The following CRY1 variants were observed in gnomAD, a reference collection of about 807,000 sequenced individuals.
The protein encoded by CRY1 is cryptochrome-1.
In CRY1, 45 loss-of-function variants were observed where a neutral mutation model predicts 76.0. The observed-to-expected ratio is 0.59, with a 90% confidence interval of 0.47 to 0.76. The LOEUF is 0.76. Among genes scored for constraint, CRY1 ranks in the 30% least tolerant of loss-of-function variants. The pLI, the probability that CRY1 is intolerant of heterozygous loss-of-function variation, is 0.00. For missense variants in CRY1, 587 were observed against 716.4 expected (o/e 0.82, Z 2.06); for synonymous variants, 248 against 244.0 (o/e 1.02, Z -0.15).
chr12:107,006,623 A>G (rs1441150596), intron 2 of CRY1, among the ~76,000 whole-genome samples: 1 of 145,000 alleles, frequency 6.9e-6, no homozygotes, highest in East Asian at 2.1e-4. Flanking sequence ...CTTGCCAATA[A>G]TATGTATTAG....
intron 1 of CRY1, among the ~76,000 whole-genome samples, chr12:107,030,561 T>C (rs1288267697): frequency 6.6e-6 from 1 of 152,170 alleles, no homozygotes; most frequent in Non-Finnish European, 1.5e-5. Flanking sequence ...ATTTAGGATA[T>C]ACCATGGTAA....
At chr12:107,063,371 T>C (rs1234882344) in intron 1 of CRY1, among the ~76,000 whole-genome samples, 1 of 152,206 alleles carries the variant, frequency 6.6e-6, no homozygotes, top group Non-Finnish European at 1.5e-5. Flanking sequence ...GACAAATAGA[T>C]AAAAAGGACT....
At position 107,048,987 on chromosome 12, in the gene CRY1, C is replaced by T. The variant is rs1028229427; in HGVS notation, c.159-26795G>A. Among the ~76,000 whole-genome samples the T allele has an allele frequency of 2.6e-5, 4 of 152,074 alleles. No individual in the cohort carries two copies. In the East Asian group the frequency reaches 7.7e-4, roughly 29 times the overall value. On this transcript the variant is annotated intron_variant, in intron 1 of 12. Coordinates refer to ENST00000008527, the MANE Select transcript of CRY1 (RefSeq NM_004075.5). Reference sequence around the variant, plus strand: ...TTATATTTAAAAAGCTATAGATATCCTCCTTTAGAGAACCTTAACATTTAC... The same window carrying T: ...TTATATTTAAAAAGCTATAGATATCTTCCTTTAGAGAACCTTAACATTTAC...
At chr12:107,002,745 G>A (rs1452817985) in intron 3 of CRY1, among the ~76,000 whole-genome samples, 1 of 152,142 alleles carries the variant, frequency 6.6e-6, no homozygotes, top group African/African-American at 2.4e-5. Context: ...CATCATGGGA[G>A]GGACCCTGTG....
chr12:107,039,677 A>G (rs1952776335), intron 1 of CRY1, among the ~76,000 whole-genome samples: 2 of 152,216 alleles, frequency 1.3e-5, no homozygotes, highest in African/African-American at 4.8e-5. Flanking sequence ...GTTGGCAAGG[A>G]TATGGAGAAA....
At chr12:106,992,328 T>C (rs527612000) in intron 12 of CRY1, 2 of 152,584 alleles carry the variant, frequency 1.3e-5, no homozygotes, top group African/African-American at 4.8e-5. Flanking sequence ...TTTTGAACTA[T>C]TCCCAAATTG....
chr12:107,031,943 T>C (rs1304814637), intron 1 of CRY1, among the ~76,000 whole-genome samples: 1 of 152,154 alleles, frequency 6.6e-6, no homozygotes, highest in East Asian at 1.9e-4. Context: ...TTTCTTTTCT[T>C]TTTCTTTTGA....
intron 1 of CRY1, among the ~76,000 whole-genome samples, chr12:107,036,105 G>C (rs138674418): frequency 6.6e-6 from 1 of 152,270 alleles, no homozygotes; most frequent in African/African-American, 2.4e-5. Context: ...TCCACAGTAG[G>C]GGAAGAACTG....
At chr12:107,032,412 C>A (rs959856810) in intron 1 of CRY1, among the ~76,000 whole-genome samples, 2 of 151,916 alleles carry the variant, frequency 1.3e-5, no homozygotes, top group Non-Finnish European at 1.5e-5. Context: ...ATCACCTCAA[C>A]GCAAATTCAT....
rs1952280671 is a variant in CRY1, at chr12:106,999,769, C to T, written c.919G>A (p.Asp307Asn). 6.2e-7 allele frequency: 1 copy of T among 1,614,098 alleles called. No individual in the cohort carries two copies. Among genetic ancestry groups the T allele is most frequent in the African/African-American group, 1.3e-5 (1 of 74,942 alleles). ...YTAATNNPRF[D>N]KMEGNPICVQ... is the part of the protein sequence containing the mutation. Reference sequence around the variant, plus strand: ...CAGATAGGGTTTCCTTCCATTTTATCAAAGCGTGGATTATTTGTTGCTGCT... The same window carrying T: ...CAGATAGGGTTTCCTTCCATTTTATTAAAGCGTGGATTATTTGTTGCTGCT... Residue 307 changes from aspartate to asparagine, a missense_variant, in exon 7 of 13, where the codon GAT becomes AAT. Coordinates refer to ENST00000008527, the MANE Select transcript of CRY1 (RefSeq NM_004075.5).
intron 1 of CRY1, among the ~76,000 whole-genome samples, chr12:107,029,497 G>A (rs7957002): frequency 0.51 from 76,550 of 151,462 alleles, 20,245 homozygotes; most frequent in East Asian, 0.72. Context: ...GGGGTGGGCT[G>A]AGGCAGGAGG....
chr12:107,075,520 A>C (rs1953241487), intron 1 of CRY1, among the ~76,000 whole-genome samples: 1 of 152,178 alleles, frequency 6.6e-6, no homozygotes, highest in Non-Finnish European at 1.5e-5. Flanking sequence ...AACTTTAACG[A>C]ATAATAGGCA....
chr12:107,017,686 A>G (rs573861097), intron 2 of CRY1, among the ~76,000 whole-genome samples: 2 of 152,342 alleles, frequency 1.3e-5, no homozygotes, highest in East Asian at 3.9e-4. Context: ...GTCTTCTTTG[A>G]CACTTGGTTA....
intron 1 of CRY1, among the ~76,000 whole-genome samples, chr12:107,087,893 C>T (rs1007372973): frequency 6.6e-6 from 1 of 151,902 alleles, no homozygotes; most frequent in African/African-American, 2.4e-5. Context: ...AAAAAAATTA[C>T]CTGGCCATGG....
Position 107,090,600 on chromosome 12 carries a change from C to T in CRY1, c.158+2204G>A, listed in dbSNP as rs114757327. 2.0e-3 allele frequency among the ~76,000 whole-genome samples: 307 copies of T among 152,288 alleles called. 3 individuals carry two copies. Among genetic ancestry groups the T allele is most frequent in the African/African-American group, 7.0e-3 (293 of 41,568 alleles). On this transcript the variant is annotated intron_variant, in intron 1 of 12. Transcript: ENST00000008527. ...TCACGGCTCCACTAGAATGTAGCTC[C>T]AACAGGGTGAGAATTGGGGGCTGTT...
chr12:107,001,504 C>G, intron 4 of CRY1, 136 bp from the exon 5 acceptor site: 2 of 767,106 alleles, frequency 2.6e-6, no homozygotes, highest in East Asian at 5.4e-5. Flanking sequence ...TAAATAAGCC[C>G]TCACCTATAG....
intron 1 of CRY1, among the ~76,000 whole-genome samples, chr12:107,034,901 G>A (rs998535160): frequency 6.6e-6 from 1 of 152,140 alleles, no homozygotes; most frequent in African/African-American, 2.4e-5. Context: ...TGTAACTTAT[G>A]CCTCTCTGAT....
chr12:107,071,023 T>C (rs1222754915), intron 1 of CRY1, among the ~76,000 whole-genome samples: 2 of 152,048 alleles, frequency 1.3e-5, no homozygotes, highest in Non-Finnish European at 2.9e-5. Flanking sequence ...TTATTATTAA[T>C]AGTACCTTTT....
chr12:107,067,908 A>C (rs748316839), intron 1 of CRY1, among the ~76,000 whole-genome samples: 30 of 152,370 alleles, frequency 2.0e-4, no homozygotes, highest in Non-Finnish European at 3.7e-4. Flanking sequence ...CAAGAGCTTC[A>C]GTAGAGAACA....
Sources: gnomAD v4.1 joint callset for allele counts (sites outside exome capture counted in the v4.1 genomes callset) on GRCh38, gnomAD v4.1.1 for gene constraint, MANE v1.5 for transcripts, NCBI Gene and HGNC (gene_info 2026-07-23, HGNC 2026-07-21) for gene names.